The following LARP1 variants were observed in gnomAD, a reference collection of about 807,000 sequenced individuals.
The protein encoded by LARP1 is la-related protein 1.
LARP1 carries 36 observed loss-of-function variants against 122.7 expected under a neutral mutation model. The ratio of observed to expected loss-of-function variants is 0.29; its 90% CI spans 0.22 to 0.39. The LOEUF (loss-of-function observed/expected upper bound fraction) is 0.39, where lower values mean the gene tolerates loss of function less well. Among genes scored for constraint, LARP1 ranks in the 10% least tolerant of loss-of-function variants. The probability of loss-of-function intolerance (pLI) is 1.00; values close to 1 mark genes in which losing one functional copy is unlikely to be tolerated. For missense variants in LARP1, 1,040 were observed against 1,403.6 expected (o/e 0.74, Z 4.14); for synonymous variants, 539 against 528.7 (o/e 1.02, Z -0.27).
In LARP1 at chr5:154,814,150, T is replaced by C. The variant is rs1355155486; in HGVS notation, c.*54T>C. ...GGGAAAGGGGTAGGGTGGGTAAGAG[T>C]CCATGGGGGTGCCCAGTCCCAGGAA... On this transcript the variant is annotated 3_prime_UTR_variant, in exon 19 of 19. Coordinates refer to ENST00000518297, the MANE Select transcript of LARP1 (RefSeq NM_033551.3). The C allele has an allele frequency of 6.4e-7, 1 of 1,556,408 alleles. No individual in the cohort carries two copies. Among genetic ancestry groups the C allele is most frequent in the Middle Eastern group, 1.7e-4 (1 of 5,986 alleles).
At chr5:154,771,325 A>G (rs1464170955) in intron 1 of LARP1, among the ~76,000 whole-genome samples, 2 of 152,118 alleles carry the variant, frequency 1.3e-5, no homozygotes, top group African/African-American at 4.8e-5. Flanking sequence ...CTTTCAAGCT[A>G]CCACACACTC....
intron 1 of LARP1, among the ~76,000 whole-genome samples, chr5:154,714,631 G>A (rs1755391354): frequency 6.6e-6 from 1 of 152,192 alleles, no homozygotes; most frequent in South Asian, 2.1e-4. Flanking sequence ...CTTCTGTGCA[G>A]TCACTTGAGC....
At chr5:154,776,097 C>G (rs1157628565) in intron 1 of LARP1, among the ~76,000 whole-genome samples, 1 of 152,064 alleles carries the variant, frequency 6.6e-6, no homozygotes, top group Non-Finnish European at 1.5e-5. Flanking sequence ...ATCCCTTGAG[C>G]CCAGGAATTC....
chr5:154,798,463 A>G (rs1758066113), intron 8 of LARP1, among the ~76,000 whole-genome samples: 1 of 152,194 alleles, frequency 6.6e-6, no homozygotes, highest in Admixed American at 6.5e-5. Context: ...GTACAGTTGC[A>G]TAGTTCACCA....
chr5:154,779,719 T>G (rs990713331), intron 1 of LARP1, among the ~76,000 whole-genome samples: 2 of 151,996 alleles, frequency 1.3e-5, no homozygotes, highest in African/African-American at 4.8e-5. Flanking sequence ...TGTTGGTCAG[T>G]CTGGTCTCGG....
intron 1 of LARP1, among the ~76,000 whole-genome samples, chr5:154,759,478 ATTTT>A (rs1466210069): frequency 6.6e-6 from 1 of 152,154 alleles, no homozygotes; most frequent in Admixed American, 6.5e-5. Context: ...AGAATTAGCT[ATTTT>A]TTGCTTTGGA....
chr5:154,799,476 T>C, intron 8 of LARP1, 115 bp from the exon 9 acceptor site: 1 of 999,968 alleles, frequency 1.0e-6, no homozygotes, highest in Non-Finnish European at 1.5e-6. Context: ...TTTCTTATAT[T>C]ACTGGTAGCA....
chr5:154,723,383 C>T (rs532401190), intron 1 of LARP1, among the ~76,000 whole-genome samples: 1 of 152,276 alleles, frequency 6.6e-6, no homozygotes, highest in East Asian at 1.9e-4. Flanking sequence ...GGATAGTCAC[C>T]TTCAGGCCTC....
At chr5:154,810,962 CGTTCACTCTGTTATT>C (rs1759220392) in intron 16 of LARP1, among the ~76,000 whole-genome samples, 1 of 152,158 alleles carries the variant, frequency 6.6e-6, no homozygotes, top group Non-Finnish European at 1.5e-5. Context: ...TACTCAACTC[CGTTCACTCTGTTATT>C]GTAGCAGAAA....
Position 154,790,372 on chromosome 5 carries a change from C to A in LARP1, c.484C>A (p.Arg162Ser), listed in dbSNP as rs775862354. 2 of 1,613,554 alleles carry A rather than the reference C, an allele frequency of 1.2e-6. No homozygotes were observed. Among genetic ancestry groups the A allele is most frequent in the Non-Finnish European group, 8.5e-7 (1 of 1,179,766 alleles). ...GGTGAGGGCAGCTGTTCCTAAACAGCGCAAAGGCAGCAAGGTAAAGAATAA... is the reference window on the plus strand; with the variant it reads ...GGTGAGGGCAGCTGTTCCTAAACAGAGCAAAGGCAGCAAGGTAAAGAATAA... The part of the protein sequence containing the change: ...KVVRAAVPKQ[R>S]KGSKVGDFGD... The change falls in exon 2 of 19, where the codon CGC becomes AGC. Residue 162 changes from arginine to serine, a missense_variant. By Grantham distance (110) the Arg-to-Ser change is moderately radical. Around this residue, in one of 8 missense-constraint regions of LARP1, gnomAD observed 257 missense variants for 273.3 expected, o/e 0.94. Transcript: ENST00000518297.
intron 1 of LARP1, among the ~76,000 whole-genome samples, chr5:154,701,758 A>C (rs182263791): frequency 1.3e-5 from 2 of 151,178 alleles, no homozygotes; most frequent in African/African-American, 4.9e-5. Flanking sequence ...AGTAGCTGGG[A>C]TTATAGGCGC....
In LARP1 at chr5:154,713,006, C is replaced by T. The variant is rs202232841; in HGVS notation, c.81C>T (p.Ser27=). 14 of 1,614,228 alleles carry T rather than the reference C, an allele frequency of 8.7e-6. No individual in the cohort carries two copies. In the East Asian group the frequency reaches 2.9e-4, roughly 33 times the overall value. ...ATTTCCAAGAGGCTCCCATACCTAG[C>T]TGCCCTGGCAGACTCCCAGGGAGGA... Residue 27 remains serine, a synonymous_variant, in exon 1 of 19, where the codon AGC becomes AGT. Coordinates refer to the LARP1 transcript ENST00000336314.
chr5:154,726,693 A>G lies in LARP1; in HGVS notation c.205+13563A>G, dbSNP rs529592926. Among the ~76,000 whole-genome samples the G allele has an allele frequency of 9.2e-5, 14 of 152,354 alleles. No homozygotes were observed. In the South Asian group the frequency reaches 2.9e-3, roughly 32 times the overall value. The stretch of plus-strand genomic sequence containing the variant: ...ATAAAAATTAGTAAACCAGAAAGCC[A>G]GTAGAAAGTTGTATTAGTCTGTTCT... On this transcript the variant is annotated intron_variant, in intron 1 of 18. Transcript: ENST00000336314.
chr5:154,760,607 A>C (rs1754372927), intron 1 of LARP1, among the ~76,000 whole-genome samples: 1 of 152,182 alleles, frequency 6.6e-6, no homozygotes, highest in African/African-American at 2.4e-5. Flanking sequence ...CTGCCTGAAA[A>C]TTTCCTCCAC....
chr5:154,728,434 C>T (rs538854900), intron 1 of LARP1, among the ~76,000 whole-genome samples: 7 of 152,324 alleles, frequency 4.6e-5, no homozygotes, highest in Non-Finnish European at 1.0e-4. Flanking sequence ...GATCAGTTGA[C>T]ATGATATTAT....
intron 1 of LARP1, among the ~76,000 whole-genome samples, chr5:154,772,719 C>T (rs1755542990): frequency 1.3e-5 from 2 of 152,082 alleles, no homozygotes; most frequent in Non-Finnish European, 2.9e-5. Context: ...TGGAGTTTTG[C>T]TCTTGTTGCC....
At chr5:154,702,969 A>G (rs926995329) in intron 1 of LARP1, among the ~76,000 whole-genome samples, 12 of 152,044 alleles carry the variant, frequency 7.9e-5, no homozygotes, top group African/African-American at 2.9e-4. Flanking sequence ...AATACAAAAA[A>G]AATTAGCCGG....
chr5:154,685,853 C>T (rs1473921471), intron 1 of LARP1: 2 of 511,846 alleles, frequency 3.9e-6, no homozygotes, highest in Non-Finnish European at 7.8e-6. Context: ...TGCTCTGTTG[C>T]CAGGCTTTGT....
rs922696772 is a variant in LARP1, at chr5:154,803,006, G to T, written c.2110-284G>T. On this transcript the variant is annotated intron_variant, in intron 11 of 18. Coordinates refer to ENST00000518297, the MANE Select transcript of LARP1 (RefSeq NM_033551.3). This position sits in a 1 kb window ranked among gnomAD's most constrained non-coding sequence, Gnocchi z 4.4. ...GATGGGGAAACACTGGAGCTTTCAG[G>T]GGGGAGTGTGTAGTGAGTTCCTGAG... Among the ~76,000 whole-genome samples the T allele has an allele frequency of 2.0e-5, 3 of 152,154 alleles. No homozygotes were observed. The highest frequency in any genetic ancestry group is 6.5e-5 in the Admixed American group (1 of 15,278).
Sources: gnomAD v4.1 joint callset for allele counts (sites outside exome capture counted in the v4.1 genomes callset) on GRCh38, gnomAD v4.1.1 for gene constraint, gnomAD v4.1.1 regional missense constraint, Gnocchi (gnomAD v3.1) non-coding constraint, MANE v1.5 for transcripts, NCBI Gene and HGNC (gene_info 2026-07-23, HGNC 2026-07-21) for gene names.